The following PPARGC1A variants were observed in gnomAD, a reference collection of about 807,000 sequenced individuals.
PPARGC1A encodes PPARG coactivator 1 alpha, also known as peroxisome proliferator-activated receptor gamma coactivator 1-alpha.
A neutral mutation model predicts 88.7 loss-of-function variants in PPARGC1A; 25 were observed. That is an observed-to-expected ratio of 0.28 (90% confidence interval 0.21 to 0.39). The LOEUF is 0.39. Ranked by LOEUF, PPARGC1A falls within the 10% of genes least tolerant of loss-of-function variation. The pLI, the probability that PPARGC1A is intolerant of heterozygous loss-of-function variation, is 1.00. For missense variants in PPARGC1A, 880 were observed against 968.7 expected, an observed-to-expected ratio of 0.91 and a Z score of 1.22; for synonymous variants, 363 against 355.6, an observed-to-expected ratio of 1.02 and a Z score of -0.24.
chr4:24,197,653 T>C, the PPARGC1A span, among the ~76,000 whole-genome samples: 1 of 152,116 alleles, frequency 6.6e-6, no homozygotes, highest in Non-Finnish European at 1.5e-5. Context: ...AAGCAATAAA[T>C]ACACACCATA....
At chr4:24,161,833 C>T in the PPARGC1A span, among the ~76,000 whole-genome samples, 1 of 152,086 alleles carries the variant, frequency 6.6e-6, no homozygotes, top group African/African-American at 2.4e-5. Context: ...AACTCTTTCA[C>T]TTGTGAAGCT....
At chr4:23,945,413 A>G in the PPARGC1A span, among the ~76,000 whole-genome samples, 1 of 152,176 alleles carries the variant, frequency 6.6e-6, no homozygotes, top group Non-Finnish European at 1.5e-5. Flanking sequence ...AGAATTTACC[A>G]TGCAGCTGAG....
At chr4:23,960,425 C>A in the PPARGC1A span, among the ~76,000 whole-genome samples, 10 of 152,138 alleles carry the variant, frequency 6.6e-5, no homozygotes, top group South Asian at 2.1e-3. Flanking sequence ...ATCAAGAAAC[C>A]CTTCTCTAGA....
chr4:23,953,876 C>T, the PPARGC1A span, among the ~76,000 whole-genome samples: 6 of 151,876 alleles, frequency 4.0e-5, no homozygotes, highest in Non-Finnish European at 8.8e-5. Flanking sequence ...CCAGGCACCT[C>T]GTATGATAAA....
the PPARGC1A span, among the ~76,000 whole-genome samples, chr4:24,074,256 A>G: frequency 6.6e-6 from 1 of 152,070 alleles, no homozygotes; most frequent in African/African-American, 2.4e-5. Context: ...CGGAGAACCA[A>G]TTTCTCCATT....
the PPARGC1A span, among the ~76,000 whole-genome samples, chr4:23,994,562 G>A: frequency 1.3e-5 from 2 of 152,182 alleles, no homozygotes; most frequent in African/African-American, 2.4e-5. Context: ...TAGATAATAC[G>A]TGACACTTTC....
intron 3 of PPARGC1A, 181 bp downstream of exon 3, chr4:23,831,376 G>C (rs957597792): frequency 2.0e-6 from 1 of 495,510 alleles, no homozygotes; most frequent in Non-Finnish European, 3.6e-6. Context: ...ACACGAAGAC[G>C]TGTATTATCA....
the PPARGC1A span, among the ~76,000 whole-genome samples, chr4:24,413,411 T>A: frequency 6.6e-6 from 1 of 151,782 alleles, no homozygotes; most frequent in Non-Finnish European, 1.5e-5. Context: ...ACCAACTGAG[T>A]AGATGGAAAG....
chr4:24,393,425 T>C, the PPARGC1A span, among the ~76,000 whole-genome samples: 55 of 152,306 alleles, frequency 3.6e-4, 1 homozygote, highest in African/African-American at 1.3e-3. Flanking sequence ...CATATGAATA[T>C]AGCCCTGTGA....
chr4:24,206,253 C>A, the PPARGC1A span, among the ~76,000 whole-genome samples: 1 of 152,132 alleles, frequency 6.6e-6, no homozygotes, highest in Non-Finnish European at 1.5e-5. Flanking sequence ...AAGTATGAGA[C>A]CTAAAACAAG....
the PPARGC1A span, among the ~76,000 whole-genome samples, chr4:24,445,570 A>G: frequency 1.3e-5 from 2 of 152,206 alleles, no homozygotes. Flanking sequence ...ACATGTTGGT[A>G]TATGTGAAGC....
Position 23,795,717 on chromosome 4 carries a change from A to T in PPARGC1A, c.*105T>A, listed in dbSNP as rs1474220160. The stretch of plus-strand genomic sequence containing the variant: ...GTTTTGTTTTTGTACAGAGAGTGTA[A>T]AGTAGGAGAAATTCCTAAGTATGAC... On this transcript the variant is annotated 3_prime_UTR_variant, in exon 13 of 13. Coordinates refer to ENST00000264867, the MANE Select transcript of PPARGC1A (RefSeq NM_013261.5). 1 of 797,632 alleles carries T rather than the reference A, an allele frequency of 1.3e-6. No homozygotes were observed. Among genetic ancestry groups the T allele is most frequent in the African/African-American group, 1.8e-5 (1 of 57,038 alleles). The allele number at this position is 797,632 out of a possible 1,614,324, so 49.4% of individuals were successfully genotyped here.
At chr4:24,050,052 T>A in the PPARGC1A span, among the ~76,000 whole-genome samples, 4 of 152,214 alleles carry the variant, frequency 2.6e-5, no homozygotes, top group Non-Finnish European at 5.9e-5. Context: ...TGTGATTTTC[T>A]GAAGATTTTT....
the PPARGC1A span, among the ~76,000 whole-genome samples, chr4:24,429,116 G>A: frequency 2.6e-5 from 4 of 152,172 alleles, no homozygotes; most frequent in East Asian, 3.9e-4. Context: ...GGCACTGGGC[G>A]AGGTAGTAAA....
the PPARGC1A span, among the ~76,000 whole-genome samples, chr4:24,223,711 T>C: frequency 2.0e-5 from 3 of 152,234 alleles, no homozygotes; most frequent in South Asian, 6.2e-4. Flanking sequence ...AATGCAATAG[T>C]ATGCCATCAT....
At chr4:24,294,307 C>T in the PPARGC1A span, among the ~76,000 whole-genome samples, 1 of 151,956 alleles carries the variant, frequency 6.6e-6, no homozygotes, top group Non-Finnish European at 1.5e-5. Context: ...AATATGATCT[C>T]GAATAATGTT....
chr4:24,350,398 G>C, the PPARGC1A span, among the ~76,000 whole-genome samples: 4 of 151,990 alleles, frequency 2.6e-5, no homozygotes, highest in African/African-American at 9.7e-5. Context: ...CTTTTTTTTT[G>C]ATATTCCAAA....
chr4:24,281,011 T>C, the PPARGC1A span, among the ~76,000 whole-genome samples: 2 of 152,150 alleles, frequency 1.3e-5, no homozygotes, highest in African/African-American at 2.4e-5. Context: ...GCTTTATGAG[T>C]GGGCTGTCAG....
chr4:24,101,243 C>T, the PPARGC1A span, among the ~76,000 whole-genome samples: 1 of 152,114 alleles, frequency 6.6e-6, no homozygotes, highest in African/African-American at 2.4e-5. Context: ...CACCTTCAAC[C>T]CCTTTCTTCC....
Sources: gnomAD v4.1 joint callset for allele counts (sites outside exome capture counted in the v4.1 genomes callset) on GRCh38, gnomAD v4.1.1 for gene constraint, MANE v1.5 for transcripts, NCBI Gene and HGNC (gene_info 2026-07-23, HGNC 2026-07-21) for gene names.